ZNF804B: variants seen among roughly 807,000 people sequenced by gnomAD.
ZNF804B encodes zinc finger protein 804B.
A neutral mutation model predicts 101.4 loss-of-function variants in ZNF804B; 80 were observed. The observed-to-expected ratio is 0.79, with a 90% CI of 0.66 to 0.95. The LOEUF (loss-of-function observed/expected upper bound fraction) is 0.95. Among genes scored for constraint, ZNF804B ranks in the 40% least tolerant of loss-of-function variants. The pLI is 0.00. For synonymous variants in ZNF804B, 622 were observed against 558.8 expected (o/e 1.11, Z -1.59); for missense variants, 1,673 against 1,561.9 (o/e 1.07, Z -1.20).
intron 1 of ZNF804B, among the ~76,000 whole-genome samples, chr7:88,947,553 G>A (rs1793155223): frequency 6.6e-6 from 1 of 151,736 alleles, no homozygotes; most frequent in Admixed American, 6.6e-5. Flanking sequence ...GTAGCATTAG[G>A]AGACATACCT....
intron 1 of ZNF804B, among the ~76,000 whole-genome samples, chr7:88,952,894 A>G (rs1793246561): frequency 1.3e-5 from 2 of 151,958 alleles, no homozygotes; most frequent in South Asian, 4.1e-4. Flanking sequence ...AGTGGCAACT[A>G]CAGTAAGAAT....
At chr7:88,967,493 C>T (rs1018711019) in intron 1 of ZNF804B, among the ~76,000 whole-genome samples, 2 of 151,400 alleles carry the variant, frequency 1.3e-5, no homozygotes, top group Non-Finnish European at 3.0e-5. Context: ...CAAACCACAC[C>T]AATGGACAAG....
At chr7:88,941,335 C>T (rs1362324596) in intron 1 of ZNF804B, among the ~76,000 whole-genome samples, 1 of 152,096 alleles carries the variant, frequency 6.6e-6, no homozygotes, top group East Asian at 1.9e-4. Flanking sequence ...CAGCTTTATT[C>T]ATAATTGCTA....
At chr7:88,796,565 C>T (rs920262934) in intron 1 of ZNF804B, among the ~76,000 whole-genome samples, 3 of 151,680 alleles carry the variant, frequency 2.0e-5, no homozygotes, top group Non-Finnish European at 4.4e-5. Flanking sequence ...TTCATTATGG[C>T]CTTCTCTCCT....
chr7:89,040,854 G>A (rs1460417552), intron 1 of ZNF804B, among the ~76,000 whole-genome samples: 1 of 152,088 alleles, frequency 6.6e-6, no homozygotes, highest in Non-Finnish European at 1.5e-5. Flanking sequence ...TTGGGACAGG[G>A]CCTAGAGCCT....
intron 1 of ZNF804B, among the ~76,000 whole-genome samples, chr7:89,116,988 G>A (rs1402223061): frequency 2.0e-5 from 3 of 152,142 alleles, no homozygotes; most frequent in Admixed American, 1.3e-4. Flanking sequence ...ATAAGAGGGC[G>A]GAAGAGGCAG....
At chr7:89,286,949 C>T (rs915512689) in intron 2 of ZNF804B, among the ~76,000 whole-genome samples, 3 of 152,096 alleles carry the variant, frequency 2.0e-5, no homozygotes, top group African/African-American at 7.2e-5. Context: ...CTTCTTTTGC[C>T]TCTGTCACAT....
intron 2 of ZNF804B, among the ~76,000 whole-genome samples, chr7:89,227,293 G>T (rs757449395): frequency 1.2e-4 from 19 of 152,106 alleles, no homozygotes; most frequent in Non-Finnish European, 2.4e-4. Context: ...CAGTTTTATT[G>T]TTGAGAAGCT....
At chr7:88,781,998 T>C (rs889301512) in intron 1 of ZNF804B, among the ~76,000 whole-genome samples, 2 of 152,184 alleles carry the variant, frequency 1.3e-5, no homozygotes, top group Non-Finnish European at 2.9e-5. Flanking sequence ...TATTTCCAAA[T>C]ATCTCATCTC....
intron 1 of ZNF804B, among the ~76,000 whole-genome samples, chr7:88,891,835 AC>A (rs1161957655): frequency 4.6e-5 from 7 of 152,048 alleles, no homozygotes; most frequent in African/African-American, 1.4e-4. Context: ...GGTGTGCTTC[AC>A]CCATTAACTC....
chr7:88,878,863 C>T (rs1444005321), intron 1 of ZNF804B, among the ~76,000 whole-genome samples: 1 of 152,130 alleles, frequency 6.6e-6, no homozygotes. Flanking sequence ...GTTGTCTACA[C>T]CATCTTCTAA....
intron 2 of ZNF804B, among the ~76,000 whole-genome samples, chr7:89,228,931 G>T (rs550384426): frequency 1.3e-5 from 2 of 152,316 alleles, no homozygotes; most frequent in East Asian, 3.9e-4. Flanking sequence ...AGGCAGCTAA[G>T]GCCGGGGGAG....
intron 1 of ZNF804B, among the ~76,000 whole-genome samples, chr7:89,141,313 C>T (rs10233510): frequency 0.6 from 91,124 of 151,910 alleles, 27,723 homozygotes; most frequent in African/African-American, 0.71. Flanking sequence ...AGTAATTGGG[C>T]TAATACCCTT....
chr7:88,768,741 C>A (rs930427955), intron 1 of ZNF804B, among the ~76,000 whole-genome samples: 1 of 152,204 alleles, frequency 6.6e-6, no homozygotes, highest in African/African-American at 2.4e-5. Context: ...ACAAAACTTA[C>A]AAATACTGAT....
intron 1 of ZNF804B, among the ~76,000 whole-genome samples, chr7:88,870,143 T>C (rs1044876132): frequency 4.0e-4 from 60 of 150,160 alleles, no homozygotes; most frequent in Non-Finnish European, 7.4e-4. Flanking sequence ...TCCCAGCACT[T>C]TGGGAGGCCG....
chr7:89,195,803 T>C (rs1296599000), intron 1 of ZNF804B, among the ~76,000 whole-genome samples: 3 of 151,584 alleles, frequency 2.0e-5, no homozygotes, highest in East Asian at 3.9e-4. Flanking sequence ...CCATTCACAA[T>C]TGCTTAAAAA....
chr7:88,765,950 G>A (rs1388258790), intron 1 of ZNF804B, among the ~76,000 whole-genome samples: 1 of 152,148 alleles, frequency 6.6e-6, no homozygotes, highest in Non-Finnish European at 1.5e-5. Flanking sequence ...ACCTTAGACA[G>A]CATTTTCAGT....
At chr7:88,865,769 A>T (rs1337789738) in intron 1 of ZNF804B, among the ~76,000 whole-genome samples, 2 of 152,152 alleles carry the variant, frequency 1.3e-5, no homozygotes, top group Non-Finnish European at 2.9e-5. Context: ...TCTTGCTGTC[A>T]TCTGCGCCTA....
At chr7:89,204,565 G>C (rs929011530) in intron 1 of ZNF804B, among the ~76,000 whole-genome samples, 5 of 152,132 alleles carry the variant, frequency 3.3e-5, no homozygotes, top group South Asian at 2.1e-4. Flanking sequence ...TTTCCGGAGG[G>C]TTGCAAAGGG....
Sources: gnomAD v4.1 joint callset for allele counts (sites outside exome capture counted in the v4.1 genomes callset) on GRCh38, gnomAD v4.1.1 for gene constraint, MANE v1.5 for transcripts, NCBI Gene and HGNC (gene_info 2026-07-23, HGNC 2026-07-21) for gene names.